Variants in PCDHGA1 observed in about 807,000 individuals in gnomAD.
PCDHGA1 encodes protocadherin gamma subfamily A, 1.
In PCDHGA1, 32 loss-of-function variants were observed where a neutral mutation model predicts 58.0. That is an observed-to-expected ratio of 0.55 (90% CI 0.42 to 0.74). The LOEUF is 0.74. Among genes scored for constraint, PCDHGA1 ranks in the 30% least tolerant of loss-of-function variants. PCDHGA1 has a pLI of 0.00. For missense variants in PCDHGA1, 1,205 were observed against 1,182.3 expected, an observed-to-expected ratio of 1.02 and a Z score of -0.28; for synonymous variants, 498 against 501.1, an observed-to-expected ratio of 0.99 and a Z score of 0.08.
intron 1 of PCDHGA1, chr5:141,405,524 A>T (rs1430059160): frequency 7.4e-6 from 5 of 677,158 alleles, no homozygotes; most frequent in Non-Finnish European, 1.2e-5. Context: ...AATTCAAGCG[A>T]TTCTCCTGCC....
chr5:141,410,167 T>A (rs372848702), intron 1 of PCDHGA1: 1 of 1,613,770 alleles, frequency 6.2e-7, no homozygotes, highest in South Asian at 1.1e-5. Flanking sequence ...CGCCACTCTC[T>A]GCCACCGCCA....
At chr5:141,339,842 G>A in intron 1 of PCDHGA1, 1 of 1,614,112 alleles carries the variant, frequency 6.2e-7, no homozygotes, top group Non-Finnish European at 8.5e-7. Context: ...AACCTCAGAG[G>A]TATTTGAGCT....
At chr5:141,346,237 C>A (rs769767532) in intron 1 of PCDHGA1, 2 of 1,614,144 alleles carry the variant, frequency 1.2e-6, no homozygotes, top group Non-Finnish European at 1.7e-6. Flanking sequence ...TTGGCGAGTA[C>A]GCCCGGCTCG....
chr5:141,366,075 C>T (rs1373930718), intron 1 of PCDHGA1: 1 of 1,614,264 alleles, frequency 6.2e-7, no homozygotes, highest in Admixed American at 1.7e-5. Context: ...CCTCGCTCCG[C>T]AGAACCTGGC....
At chr5:141,413,109 A>G in intron 1 of PCDHGA1, 2 of 1,498,490 alleles carry the variant, frequency 1.3e-6, no homozygotes, top group African/African-American at 1.4e-5. Flanking sequence ...ACAGAAAGAC[A>G]AAGGAACCGG....
chr5:141,417,771 C>G, intron 1 of PCDHGA1: 1 of 1,456,488 alleles, frequency 6.9e-7, no homozygotes, highest in Non-Finnish European at 9.1e-7. Flanking sequence ...CGGGACTCCT[C>G]CTGTCCTGGG....
At chr5:141,405,567 G>A in intron 1 of PCDHGA1, 2 of 608,222 alleles carry the variant, frequency 3.3e-6, no homozygotes, top group Non-Finnish European at 5.8e-6. Context: ...TGGGACTAGA[G>A]TAGAGTAGCT....
At chr5:141,365,937 A>G (rs1431683352) in intron 1 of PCDHGA1, 3 of 1,614,226 alleles carry the variant, frequency 1.9e-6, no homozygotes, top group Non-Finnish European at 2.5e-6. Context: ...ACAGCCAGCG[A>G]CAGTGGGAAC....
intron 1 of PCDHGA1, among the ~76,000 whole-genome samples, chr5:141,447,143 T>G (rs1484774611): frequency 2.6e-5 from 4 of 152,132 alleles, no homozygotes; most frequent in Admixed American, 6.6e-5. Flanking sequence ...TTGTTTTTTG[T>G]TTTTGTTTTT....
chr5:141,444,373 G>A (rs2098434682), intron 1 of PCDHGA1, among the ~76,000 whole-genome samples: 1 of 151,902 alleles, frequency 6.6e-6, no homozygotes, highest in South Asian at 2.1e-4. Context: ...GTTTCTCCAT[G>A]TTGGTCAGGC....
chr5:141,340,459 T>G, intron 1 of PCDHGA1: 1 of 1,614,208 alleles, frequency 6.2e-7, no homozygotes. Flanking sequence ...AGGACACTGT[T>G]CAGGGGGCAC....
intron 1 of PCDHGA1, chr5:141,412,158 G>A (rs188069449): frequency 1.3e-5 from 2 of 152,324 alleles, no homozygotes; most frequent in East Asian, 3.9e-4. Context: ...CCTAAGAGAA[G>A]AGATTATTTA....
intron 1 of PCDHGA1, chr5:141,338,763 C>G: frequency 8.0e-7 from 1 of 1,250,862 alleles, no homozygotes; most frequent in Non-Finnish European, 1.0e-6. Context: ...GACATCCAAT[C>G]CAGCAATACG....
chr5:141,466,977 C>T (rs2099133275), intron 1 of PCDHGA1, among the ~76,000 whole-genome samples: 1 of 151,786 alleles, frequency 6.6e-6, no homozygotes. Flanking sequence ...CACAGCTCAT[C>T]ATTTACCTTT....
intron 1 of PCDHGA1, among the ~76,000 whole-genome samples, chr5:141,470,459 AT>A: frequency 6.6e-6 from 1 of 152,096 alleles, no homozygotes; most frequent in East Asian, 1.9e-4. Flanking sequence ...CTTGAATAGG[AT>A]TTTCTGATAT....
At chr5:141,398,023 G>C in intron 1 of PCDHGA1, 1 of 1,438,566 alleles carries the variant, frequency 7.0e-7, no homozygotes, top group Non-Finnish European at 9.3e-7. Context: ...TCCTAAACTG[G>C]AACTGGAACT....
chr5:141,339,223 G>C, intron 1 of PCDHGA1: 1 of 1,614,172 alleles, frequency 6.2e-7, no homozygotes, highest in Non-Finnish European at 8.5e-7. Flanking sequence ...GCGGCAGCTT[G>C]GTCACTGCGA....
In PCDHGA1 at chr5:141,372,255, C is replaced by T. The variant is rs1309371884; in HGVS notation, c.2421+39150C>T. 3.7e-6 allele frequency: 6 copies of T among 1,613,018 alleles called. No individual in the cohort carries two copies. The East Asian group carries it at 1.1e-4, about 30-fold the overall frequency. On this transcript the variant is annotated intron_variant, in intron 1 of 3. Coordinates refer to ENST00000517417, the MANE Select transcript of PCDHGA1 (RefSeq NM_018912.3). ...CGAGCCCGGGCTGTTCAGCCTGGGCCTGCGCACGGGTGAGGTGCGCACGGC... is the reference window on the plus strand; with the variant it reads ...CGAGCCCGGGCTGTTCAGCCTGGGCTTGCGCACGGGTGAGGTGCGCACGGC...
At chr5:141,408,524 G>A (rs1589673864) in intron 1 of PCDHGA1, 3 of 1,614,080 alleles carry the variant, frequency 1.9e-6, no homozygotes, top group Non-Finnish European at 1.7e-6. Context: ...GCAATTGGAA[G>A]CTGTGGTGGA....
Sources: gnomAD v4.1 joint callset for allele counts (sites outside exome capture counted in the v4.1 genomes callset) on GRCh38, gnomAD v4.1.1 for gene constraint, MANE v1.5 for transcripts, NCBI Gene and HGNC (gene_info 2026-07-23, HGNC 2026-07-21) for gene names.